MAML2: variants seen among roughly 807,000 people sequenced by gnomAD.
MAML2 encodes mastermind like transcriptional coactivator 2, also known as mastermind-like protein 2.
Under a neutral mutation model 96.1 loss-of-function variants are expected in MAML2, and 22 were observed. The observed-to-expected ratio is 0.23, with a 90% confidence interval of 0.16 to 0.33. The LOEUF (loss-of-function observed/expected upper bound fraction) is 0.33. Among genes scored for constraint, MAML2 ranks in the 10% least tolerant of loss-of-function variants. MAML2 has a pLI of 1.00. For synonymous variants in MAML2, 561 were observed against 521.3 expected (o/e 1.08, Z -1.04); for missense variants, 1,367 against 1,392.4 (o/e 0.98, Z 0.29).
chr11:96,189,063 TG>T (rs1861614409), intron 1 of MAML2, among the ~76,000 whole-genome samples: 1 of 143,574 alleles, frequency 7.0e-6, no homozygotes, highest in Non-Finnish European at 1.6e-5. Context: ...TGCTAGAAAC[TG>T]TTTTGTTTTT....
At chr11:96,197,782 G>A (rs1386528148) in intron 1 of MAML2, among the ~76,000 whole-genome samples, 1 of 152,190 alleles carries the variant, frequency 6.6e-6, no homozygotes, top group Non-Finnish European at 1.5e-5. Flanking sequence ...GGCCAAGGGA[G>A]GTACCAGAAG....
intron 3 of MAML2, among the ~76,000 whole-genome samples, chr11:95,991,308 C>A (rs911420069): frequency 6.0e-5 from 9 of 150,830 alleles, no homozygotes; most frequent in Non-Finnish European, 1.2e-4. Flanking sequence ...AGCAGAGGTG[C>A]CATGCATTCC....
At chr11:96,088,355 A>T (rs1419978326) in intron 2 of MAML2, among the ~76,000 whole-genome samples, 3 of 152,186 alleles carry the variant, frequency 2.0e-5, no homozygotes, top group African/African-American at 7.2e-5. Flanking sequence ...AAAAAAATTC[A>T]CACTTTTAAG....
At chr11:96,155,033 C>T (rs1405077859) in intron 1 of MAML2, among the ~76,000 whole-genome samples, 4 of 152,168 alleles carry the variant, frequency 2.6e-5, no homozygotes, top group Non-Finnish European at 4.4e-5. Context: ...GGGAGCAGTG[C>T]TCTGCTATTC....
intron 3 of MAML2, among the ~76,000 whole-genome samples, 186 bp downstream of exon 3, chr11:95,991,334 G>T (rs1857907204): frequency 1.6e-5 from 1 of 63,304 alleles, no homozygotes; most frequent in Non-Finnish European, 2.9e-5. Flanking sequence ...TCCAGCAGTT[G>T]TTAAATCAAG....
intron 1 of MAML2, among the ~76,000 whole-genome samples, chr11:96,155,938 C>A (rs1381680493): frequency 1.3e-5 from 2 of 152,130 alleles, no homozygotes; most frequent in Non-Finnish European, 2.9e-5. Context: ...AAACACAGCA[C>A]ATAAACAAGC....
intron 1 of MAML2, among the ~76,000 whole-genome samples, chr11:96,315,673 C>T (rs1591128593): frequency 6.6e-6 from 1 of 152,278 alleles, no homozygotes; most frequent in East Asian, 1.9e-4. Context: ...GACTCAATCT[C>T]ATCATGCGTG....
chr11:96,035,418 A>C (rs1858695640), intron 2 of MAML2, among the ~76,000 whole-genome samples: 1 of 152,234 alleles, frequency 6.6e-6, no homozygotes, highest in Non-Finnish European at 1.5e-5. Flanking sequence ...TAGATCAATC[A>C]AATTCTTGTT....
chr11:96,187,485 T>C (rs1424521406), intron 1 of MAML2, among the ~76,000 whole-genome samples: 1 of 152,178 alleles, frequency 6.6e-6, no homozygotes, highest in Non-Finnish European at 1.5e-5. Context: ...ATGCTTGAAC[T>C]CCCAGCATCA....
intron 1 of MAML2, among the ~76,000 whole-genome samples, chr11:96,283,482 CT>C (rs1555034879): frequency 3.3e-5 from 5 of 152,202 alleles, no homozygotes; most frequent in Non-Finnish European, 7.4e-5. Flanking sequence ...GTGCTACAAT[CT>C]TTTTCTCCAA....
chr11:96,002,554 ATG>A, intron 2 of MAML2, among the ~76,000 whole-genome samples: 2 of 151,916 alleles, frequency 1.3e-5, no homozygotes, highest in East Asian at 1.9e-4. Context: ...GATGGGGATG[ATG>A]AAGATGATGG....
rs768525100 is a variant in MAML2 at position 95,979,588 on chromosome 11, A to C, written c.2831T>G (p.Met944Arg). The C allele has an allele frequency of 1.2e-6, 2 of 1,613,866 alleles. No individual in the cohort carries two copies. Among genetic ancestry groups the C allele is most frequent in the African/African-American group, 2.7e-5 (2 of 74,926 alleles). ...QQLRPNLTHS[M>R]ASMPPQRTSN... ...TGTTCTCTGTGGTGGCATGCTTGCC[A>C]TACTATGGGTTAAATTTGGTCTCAA... The change falls in exon 5 of 5, where the codon ATG becomes AGG. Residue 944 changes from methionine to arginine, a missense_variant. Coordinates refer to ENST00000524717, the MANE Select transcript of MAML2 (RefSeq NM_032427.4).
At chr11:96,021,337 A>G (rs1356496020) in intron 2 of MAML2, among the ~76,000 whole-genome samples, 1 of 152,166 alleles carries the variant, frequency 6.6e-6, no homozygotes, top group Non-Finnish European at 1.5e-5. Context: ...TGGAAAATCG[A>G]TATATTTCAG....
In MAML2 at chr11:96,092,754, C is replaced by T; in HGVS notation, c.1277G>A (p.Ser426Asn). The T allele has an allele frequency of 6.2e-7, 1 of 1,613,772 alleles. No homozygotes were observed. The highest frequency in any genetic ancestry group is 8.5e-7 in the Non-Finnish European group (1 of 1,179,764). Reference protein sequence around the residue: ...TGSGASRALPSWQEVSHAQQL... With the variant: ...TGSGASRALPNWQEVSHAQQL... Reference sequence around the variant, plus strand: ...CTGGGCATGGGATACTTCCTGCCAGCTTGGCAAGGCCCGGCTTGCTCCGGA... The same window carrying T: ...CTGGGCATGGGATACTTCCTGCCAGTTTGGCAAGGCCCGGCTTGCTCCGGA... The change falls in exon 2 of 5, where the codon AGC (serine) becomes AAC (asparagine). Residue 426 changes from serine (S) to asparagine (N), a missense_variant. By Grantham distance (46) the Ser-to-Asn change is conservative. Transcript: ENST00000524717. The surrounding 1 kb of genome is among the most constrained non-coding windows in gnomAD (Gnocchi z 4.1).
At chr11:96,339,744 G>T (rs1456706406) in intron 1 of MAML2, among the ~76,000 whole-genome samples, 1 of 152,160 alleles carries the variant, frequency 6.6e-6, no homozygotes, top group Non-Finnish European at 1.5e-5. Context: ...TACAGATGCT[G>T]GTGACACACA....
chr11:96,012,477 G>A lies in MAML2; in HGVS notation c.2140-20754C>T, dbSNP rs960972205. On this transcript the variant is annotated intron_variant, in intron 2 of 4. Coordinates refer to ENST00000524717, the MANE Select transcript of MAML2 (RefSeq NM_032427.4). The stretch of plus-strand genomic sequence containing the variant: ...TCCACTGTGCCATGTCTGAAGGGAC[G>A]CCCAGGCAGCCTTCTCACTATTTTA... Among the ~76,000 whole-genome samples the A allele has an allele frequency of 1.2e-4, 18 of 152,236 alleles. 1 individual carries two copies. In the South Asian group the frequency reaches 1.2e-3, roughly 11 times the overall value.
chr11:96,317,668 C>T (rs1233441260), intron 1 of MAML2, among the ~76,000 whole-genome samples: 1 of 152,198 alleles, frequency 6.6e-6, no homozygotes, highest in East Asian at 1.9e-4. Flanking sequence ...TGCAGGCTGC[C>T]CAGCTTTGGA....
chr11:96,169,451 G>A (rs972327909), intron 1 of MAML2, among the ~76,000 whole-genome samples: 1 of 152,212 alleles, frequency 6.6e-6, no homozygotes, highest in Non-Finnish European at 1.5e-5. Flanking sequence ...AACCCAGGAG[G>A]TGGGTGCTCG....
At position 96,088,656 on chromosome 11, in the gene MAML2, T is replaced by C. The variant is rs75625894; in HGVS notation, c.2139+3236A>G. On this transcript the variant is annotated intron_variant, in intron 2 of 4. Transcript: ENST00000524717. ...TATAGACATTTTGTAAAACACCAAATAGCATTTGTTTTCCCCATCTCTGGA... is the reference window on the plus strand; with the variant it reads ...TATAGACATTTTGTAAAACACCAAACAGCATTTGTTTTCCCCATCTCTGGA... Among the ~76,000 whole-genome samples, 323 of 152,280 alleles carry C rather than the reference T, an allele frequency of 2.1e-3. 2 individuals are homozygous for C. Among genetic ancestry groups the C allele is most frequent in the Non-Finnish European group, 3.9e-3 (268 of 68,022 alleles).
Sources: allele counts gnomAD v4.1 joint callset (sites outside exome capture counted in the v4.1 genomes callset), GRCh38; gene constraint gnomAD v4.1.1; non-coding constraint Gnocchi (gnomAD v3.1); transcripts MANE v1.5; gene names NCBI Gene and HGNC (gene_info 2026-07-23, HGNC 2026-07-21).